GRIK2: variants seen among roughly 807,000 people sequenced by gnomAD.
GRIK2 encodes glutamate receptor ionotropic, kainate 2.
Under a neutral mutation model 100.3 loss-of-function variants are expected in GRIK2, and 32 were observed. The observed-to-expected ratio is 0.32, with a 90% CI of 0.24 to 0.43. The LOEUF (loss-of-function observed/expected upper bound fraction) is 0.43, where lower values mean the gene tolerates loss of function less well. GRIK2 is among the 20% of genes least tolerant of loss of function. The pLI, the probability that GRIK2 is intolerant of heterozygous loss-of-function variation, is 1.00. For synonymous variants in GRIK2, 417 were observed against 389.4 expected (o/e 1.07, Z -0.83); for missense variants, 843 against 1,114.9 (o/e 0.76, Z 3.47).
chr6:101,494,756 C>G (rs1487827902), intron 2 of GRIK2, among the ~76,000 whole-genome samples: 1 of 150,876 alleles, frequency 6.6e-6, no homozygotes, highest in African/African-American at 2.4e-5. Context: ...CATGGTGAAA[C>G]CCTGTCGCTA....
At chr6:102,061,421 G>A (rs1771745457) in intron 16 of GRIK2, among the ~76,000 whole-genome samples, 1 of 150,338 alleles carries the variant, frequency 6.7e-6, no homozygotes, top group Non-Finnish European at 1.5e-5. Flanking sequence ...GTCTAACAGT[G>A]TTTCAACCAT....
At chr6:102,065,111 T>TAC (rs1771951590) in intron 16 of GRIK2, among the ~76,000 whole-genome samples, 1 of 151,276 alleles carries the variant, frequency 6.6e-6, no homozygotes, top group South Asian at 2.1e-4. Flanking sequence ...TCGAGACCAT[T>TAC]GATTGACTTA....
chr6:101,714,327 CT>C (rs1773918235), intron 7 of GRIK2, among the ~76,000 whole-genome samples: 1 of 151,734 alleles, frequency 6.6e-6, no homozygotes, highest in South Asian at 2.1e-4. Flanking sequence ...CTTTTGTGAT[CT>C]TTTATTTGAT....
At chr6:101,459,805 G>A (rs1013997785) in intron 2 of GRIK2, among the ~76,000 whole-genome samples, 5 of 150,196 alleles carry the variant, frequency 3.3e-5, no homozygotes, top group African/African-American at 9.8e-5. Context: ...GACAGAGTTC[G>A]ACTCTTGTTG....
intron 7 of GRIK2, among the ~76,000 whole-genome samples, chr6:101,788,343 A>C (rs1779579137): frequency 6.6e-6 from 1 of 151,932 alleles, no homozygotes; most frequent in South Asian, 2.1e-4. Context: ...ATATCTCCTA[A>C]TGCTATCCCT....
At chr6:101,722,308 AAAC>A (rs967211777) in intron 7 of GRIK2, among the ~76,000 whole-genome samples, 2 of 152,022 alleles carry the variant, frequency 1.3e-5, no homozygotes, top group South Asian at 2.1e-4. Context: ...AAAAACAAAC[AAAC>A]AACAACAAAA....
At chr6:101,989,553 GTTA>G in intron 14 of GRIK2, among the ~76,000 whole-genome samples, 1 of 8,686 alleles carries the variant, frequency 1.2e-4, no homozygotes, top group Non-Finnish European at 3.1e-4. Context: ...AGAAAAATTA[GTTA>G]GTTAATTAGC....
intron 7 of GRIK2, among the ~76,000 whole-genome samples, chr6:101,749,456 A>G (rs1776642724): frequency 6.6e-6 from 1 of 152,082 alleles, no homozygotes; most frequent in Admixed American, 6.6e-5. Context: ...AAATCTGAGA[A>G]GTTAGATAAA....
chr6:101,923,373 G>T (rs1053319946), intron 12 of GRIK2, among the ~76,000 whole-genome samples: 2 of 152,020 alleles, frequency 1.3e-5, no homozygotes, highest in African/African-American at 4.8e-5. Flanking sequence ...TTAATTGTGG[G>T]TGTAATGTTT....
intron 7 of GRIK2, among the ~76,000 whole-genome samples, chr6:101,742,612 GAGGCAAGGGCTTCC>G (rs1334782873): frequency 6.6e-6 from 1 of 152,120 alleles, no homozygotes; most frequent in Non-Finnish European, 1.5e-5. Context: ...GGGACAATTT[GAGGCAAGGGCTTCC>G]AGGCTATAGA....
At chr6:101,726,703 T>C (rs1774894724) in intron 7 of GRIK2, among the ~76,000 whole-genome samples, 1 of 152,052 alleles carries the variant, frequency 6.6e-6, no homozygotes, top group Admixed American at 6.6e-5. Context: ...GCAGTATGTA[T>C]TTTTAGCATT....
intron 7 of GRIK2, among the ~76,000 whole-genome samples, chr6:101,731,027 C>G (rs1775230736): frequency 6.6e-6 from 1 of 151,956 alleles, no homozygotes; most frequent in African/African-American, 2.4e-5. Context: ...TGATTGATTA[C>G]TATTCATAGT....
In GRIK2 at chr6:101,686,243, A is replaced by T. The variant is rs754301975; in HGVS notation, c.841A>T (p.Ile281Leu). The change falls in exon 7 of 17, where the codon ATA becomes TTA. Residue 281 changes from isoleucine (I) to leucine (L), a missense_variant. Physicochemically the swap from Ile to Leu is conservative, Grantham distance 5 (BLOSUM62 2). This residue lies in a region of GRIK2 where 519 missense variants were observed against 643.8 expected (regional missense o/e 0.81). Coordinates refer to ENST00000369134, the MANE Select transcript of GRIK2 (RefSeq NM_021956.5). ...YSGVNMTGFR[I>L]LNTENTQVSS... ...TGGTGTTAACATGACAGGGTTCAGA[A>T]TATTAAATACAGAAAATACCCAAGT... 5 of 1,612,886 alleles carry T rather than the reference A, an allele frequency of 3.1e-6. No individual in the cohort carries two copies. In the South Asian group the frequency reaches 5.5e-5, roughly 18 times the overall value.
intron 2 of GRIK2, among the ~76,000 whole-genome samples, chr6:101,535,202 G>A (rs905487058): frequency 6.6e-6 from 1 of 151,568 alleles, no homozygotes; most frequent in African/African-American, 2.4e-5. Context: ...TGTGTCAGAG[G>A]GGAACGAAAA....
At chr6:101,886,763 T>G (rs1386184665) in intron 11 of GRIK2, among the ~76,000 whole-genome samples, 2 of 151,072 alleles carry the variant, frequency 1.3e-5, no homozygotes, top group African/African-American at 4.9e-5. Flanking sequence ...CTTGACAACC[T>G]TTCCCGCTAC....
chr6:101,716,020 C>T (rs1478593254), intron 7 of GRIK2, among the ~76,000 whole-genome samples: 2 of 151,754 alleles, frequency 1.3e-5, no homozygotes, highest in Middle Eastern at 3.2e-3. Flanking sequence ...GCTTCCTCCA[C>T]TTCCACCTTC....
intron 2 of GRIK2, among the ~76,000 whole-genome samples, chr6:101,560,241 T>G (rs1223518013): frequency 1.3e-5 from 2 of 152,114 alleles, no homozygotes; most frequent in Non-Finnish European, 2.9e-5. Context: ...TTATTTTCCT[T>G]TACTAGTCTG....
intron 2 of GRIK2, among the ~76,000 whole-genome samples, chr6:101,523,177 T>A (rs1774965577): frequency 6.6e-6 from 1 of 152,112 alleles, no homozygotes; most frequent in South Asian, 2.1e-4. Flanking sequence ...TCTCTCAGTA[T>A]AAGTAAGAGA....
At chr6:101,460,461 T>C (rs1235654629) in intron 2 of GRIK2, among the ~76,000 whole-genome samples, 2 of 152,236 alleles carry the variant, frequency 1.3e-5, no homozygotes, top group African/African-American at 2.4e-5. Context: ...GTATTGGTAA[T>C]GTAACACAAG....
Sources: gnomAD v4.1 joint callset for allele counts (sites outside exome capture counted in the v4.1 genomes callset) on GRCh38, gnomAD v4.1.1 for gene constraint, gnomAD v4.1.1 regional missense constraint, MANE v1.5 for transcripts, NCBI Gene and HGNC (gene_info 2026-07-23, HGNC 2026-07-21) for gene names.